The following MARCHF5 variants were observed in gnomAD, a reference collection of about 807,000 sequenced individuals.
MARCHF5 encodes membrane associated ring-CH-type finger 5, also known as E3 ubiquitin-protein ligase MARCHF5.
In MARCHF5, 5 loss-of-function variants were observed where a neutral mutation model predicts 36.5. The ratio of observed to expected loss-of-function variants is 0.14; its 90% CI spans 0.07 to 0.29. The LOEUF (loss-of-function observed/expected upper bound fraction) is 0.29, where lower values mean the gene tolerates loss of function less well. Ranked by LOEUF, MARCHF5 falls within the 10% of genes least tolerant of loss-of-function variation. MARCHF5 has a pLI of 1.00. For synonymous variants in MARCHF5, 103 were observed against 109.9 expected (o/e 0.94, Z 0.39); for missense variants, 179 against 336.3 (o/e 0.53, Z 3.66).
At chr10:92,341,060 C>G (rs1283210067) in intron 3 of MARCHF5, among the ~76,000 whole-genome samples, 1 of 152,162 alleles carries the variant, frequency 6.6e-6, no homozygotes, top group Non-Finnish European at 1.5e-5. Flanking sequence ...TATAGAATTA[C>G]AGCCATTTAC....
chr10:92,331,653 T>G (rs752661582), intron 2 of MARCHF5, among the ~76,000 whole-genome samples: 1 of 151,824 alleles, frequency 6.6e-6, no homozygotes, highest in Non-Finnish European at 1.5e-5. Flanking sequence ...GCTTAATAAG[T>G]ACTTAGTAGT....
At chr10:92,346,725 C>T (rs1383451773) in intron 3 of MARCHF5, among the ~76,000 whole-genome samples, 5 of 151,960 alleles carry the variant, frequency 3.3e-5, no homozygotes, top group African/African-American at 9.6e-5. Context: ...TCAGGTGATC[C>T]GCCTGCCTCA....
At chr10:92,342,455 C>G (rs1843591632) in intron 3 of MARCHF5, among the ~76,000 whole-genome samples, 1 of 152,124 alleles carries the variant, frequency 6.6e-6, no homozygotes, top group African/African-American at 2.4e-5. Context: ...CCTAGTCTTT[C>G]TATTTTATAG....
chr10:92,328,801 T>TTATATATATA (rs748902839), intron 2 of MARCHF5, among the ~76,000 whole-genome samples: 3 of 137,278 alleles, frequency 2.2e-5, no homozygotes, highest in African/African-American at 8.1e-5. Context: ...AGTGAGGTTA[T>TTATATATATA]TATATATATA....
At chr10:92,322,244 CAAAAAAAA>C (rs56391697) in intron 2 of MARCHF5, among the ~76,000 whole-genome samples, 10 of 27,746 alleles carry the variant, frequency 3.6e-4, no homozygotes, top group East Asian at 1.5e-3. Flanking sequence ...AACTCCGTCT[CAAAAAAAA>C]AAAAAAAAAA....
chr10:92,291,574 C>G (rs991515712), intron 1 of MARCHF5, 45 bp downstream of exon 1: 1 of 1,493,170 alleles, frequency 6.7e-7, no homozygotes, highest in Non-Finnish European at 8.9e-7. Flanking sequence ...GACCCTCGCT[C>G]TGGCCCTGCC....
intron 2 of MARCHF5, among the ~76,000 whole-genome samples, chr10:92,325,646 C>G (rs1014706329): frequency 2.0e-5 from 3 of 151,942 alleles, no homozygotes; most frequent in Non-Finnish European, 2.9e-5. Flanking sequence ...TCTTAGTTTT[C>G]AAGTTAAATT....
At chr10:92,323,385 A>G (rs1425754577) in intron 2 of MARCHF5, among the ~76,000 whole-genome samples, 1 of 152,278 alleles carries the variant, frequency 6.6e-6, no homozygotes, top group East Asian at 1.9e-4. Flanking sequence ...AAGTTGACAC[A>G]TCATTACCAC....
At chr10:92,339,156 G>C (rs1442161290) in intron 2 of MARCHF5, among the ~76,000 whole-genome samples, 1 of 152,152 alleles carries the variant, frequency 6.6e-6, no homozygotes, top group Non-Finnish European at 1.5e-5. Flanking sequence ...GATCACCTGA[G>C]GTCGGGAGCT....
At chr10:92,316,340 G>A (rs1012593955) in intron 2 of MARCHF5, among the ~76,000 whole-genome samples, 8 of 152,076 alleles carry the variant, frequency 5.3e-5, no homozygotes, top group African/African-American at 1.2e-4. Flanking sequence ...AAGAGGATTC[G>A]TCAGAGTTTT....
chr10:92,320,700 A>G (rs1843280243), intron 2 of MARCHF5, among the ~76,000 whole-genome samples: 2 of 151,858 alleles, frequency 1.3e-5, no homozygotes, highest in Admixed American at 6.6e-5. Context: ...CAACTGTACA[A>G]TATGTGTTTT....
intron 2 of MARCHF5, among the ~76,000 whole-genome samples, chr10:92,315,213 A>C (rs533583243): frequency 2.6e-5 from 4 of 152,296 alleles, no homozygotes; most frequent in African/African-American, 9.6e-5. Context: ...GTTGATTCGT[A>C]CTCTGTACGC....
intron 2 of MARCHF5, among the ~76,000 whole-genome samples, chr10:92,321,952 T>A (rs972472339): frequency 6.6e-6 from 1 of 151,904 alleles, no homozygotes; most frequent in Non-Finnish European, 1.5e-5. Flanking sequence ...AGCTAAAGAT[T>A]TGTCAGGGTT....
At chr10:92,321,444 G>A (rs1020883792) in intron 2 of MARCHF5, among the ~76,000 whole-genome samples, 41 of 152,014 alleles carry the variant, frequency 2.7e-4, no homozygotes, top group Admixed American at 1.8e-3. Context: ...GGGGTTCCTG[G>A]GATAAGTTCT....
chr10:92,350,142 C>G (rs1843699983), intron 5 of MARCHF5: 1 of 266,018 alleles, frequency 3.8e-6, no homozygotes, highest in Non-Finnish European at 7.0e-6. Flanking sequence ...TGGTTCAAAT[C>G]CCATCACAGA....
chr10:92,341,792 T>C (rs1385655102), intron 3 of MARCHF5, among the ~76,000 whole-genome samples: 1 of 145,922 alleles, frequency 6.9e-6, no homozygotes, highest in Non-Finnish European at 1.5e-5. Context: ...TTTTTTTTTT[T>C]TTTTTTTTTT....
intron 1 of MARCHF5, among the ~76,000 whole-genome samples, chr10:92,300,170 AAAAAG>A (rs1196739158): frequency 5.3e-5 from 8 of 151,394 alleles, no homozygotes; most frequent in East Asian, 1.9e-4. Context: ...CTCAAAAAAA[AAAAAG>A]AAAAGAAAAG....
At chr10:92,310,827 T>C (rs532207535) in intron 1 of MARCHF5, among the ~76,000 whole-genome samples, 1 of 152,322 alleles carries the variant, frequency 6.6e-6, no homozygotes, top group Admixed American at 6.5e-5. Context: ...CAAAAACAAC[T>C]TGAGGTTTGT....
At chr10:92,333,663 T>G in intron 2 of MARCHF5, 2 of 985,198 alleles carry the variant, frequency 2.0e-6, no homozygotes, top group Non-Finnish European at 2.4e-6. Flanking sequence ...AAAGGAAGCC[T>G]CATGGGACAT....
Sources: gnomAD v4.1 joint callset for allele counts (sites outside exome capture counted in the v4.1 genomes callset) on GRCh38, gnomAD v4.1.1 for gene constraint, MANE v1.5 for transcripts, NCBI Gene and HGNC (gene_info 2026-07-23, HGNC 2026-07-21) for gene names.